Variants in CCDC102B observed in about 807,000 individuals in gnomAD.
CCDC102B encodes the protein coiled-coil domain-containing protein 102B.
CCDC102B carries 75 observed loss-of-function variants against 57.4 expected under a neutral mutation model. The ratio of observed to expected loss-of-function variants is 1.31; its 90% CI spans 1.08 to 1.58. The LOEUF (loss-of-function observed/expected upper bound fraction) is 1.58. Among genes scored for constraint, CCDC102B ranks in the 40% most tolerant of loss-of-function variants. CCDC102B has a pLI of 0.00. For synonymous variants in CCDC102B, 206 were observed against 201.9 expected (o/e 1.02, Z -0.17); for missense variants, 636 against 582.6 (o/e 1.09, Z -0.94).
At chr18:68,958,262 T>C (rs1356966250) in intron 6 of CCDC102B, among the ~76,000 whole-genome samples, 1 of 152,194 alleles carries the variant, frequency 6.6e-6, no homozygotes, top group Non-Finnish European at 1.5e-5. Context: ...AACCATATCA[T>C]GTCATATGGA....
chr18:68,882,755 T>C (rs1438036995), intron 5 of CCDC102B, among the ~76,000 whole-genome samples: 1 of 151,994 alleles, frequency 6.6e-6, no homozygotes, highest in Non-Finnish European at 1.5e-5. Flanking sequence ...AAATTAAATA[T>C]AGATACTGTT....
In CCDC102B at chr18:68,927,440, A is replaced by G. The variant is rs535855018; in HGVS notation, c.1263+30012A>G. Among the ~76,000 whole-genome samples, 3 of 152,016 alleles carry G rather than the reference A, an allele frequency of 2.0e-5. No individual in the cohort carries two copies. The East Asian group carries it at 5.8e-4, about 30-fold the overall frequency. On this transcript the variant is annotated intron_variant, in intron 6 of 7. Transcript: ENST00000360242. Reference sequence around the variant, plus strand: ...TTAGTTTCTGTCCCGTAGAGTGTAGACCTAACAGTCAATAGTTTTTACCTC... The same window carrying G: ...TTAGTTTCTGTCCCGTAGAGTGTAGGCCTAACAGTCAATAGTTTTTACCTC...
intron 1 of CCDC102B, among the ~76,000 whole-genome samples, chr18:68,801,000 TAAC>T (rs987475350): frequency 4.6e-5 from 7 of 152,184 alleles, no homozygotes; most frequent in Admixed American, 2.6e-4. Flanking sequence ...GCTTATTTCA[TAAC>T]AACGAGGTTT....
chr18:68,737,506 G>A (rs928871975), intron 2 of CCDC102B, among the ~76,000 whole-genome samples: 3 of 151,874 alleles, frequency 2.0e-5, no homozygotes, highest in Admixed American at 1.3e-4. Context: ...GTGTGTCTGT[G>A]TGTGTGTGAA....
chr18:68,830,667 A>AT (rs2037108793), intron 1 of CCDC102B, among the ~76,000 whole-genome samples: 1 of 148,836 alleles, frequency 6.7e-6, no homozygotes, highest in African/African-American at 2.5e-5. Flanking sequence ...TATATAATAC[A>AT]GAAATAGGCT....
chr18:68,848,171 C>G (rs866173899), intron 4 of CCDC102B, among the ~76,000 whole-genome samples: 49 of 151,888 alleles, frequency 3.2e-4, no homozygotes, highest in Middle Eastern at 3.4e-3. Flanking sequence ...AGTATTGTAG[C>G]ACAAGTATAA....
intron 1 of CCDC102B, among the ~76,000 whole-genome samples, chr18:68,802,567 G>A (rs2035893260): frequency 1.3e-5 from 2 of 152,110 alleles, no homozygotes; most frequent in Admixed American, 1.3e-4. Context: ...GAACTAGGAG[G>A]GCTATCTCAG....
chr18:68,821,197 A>AG (rs1022394137), intron 1 of CCDC102B, among the ~76,000 whole-genome samples: 1 of 152,048 alleles, frequency 6.6e-6, no homozygotes, highest in African/African-American at 2.4e-5. Context: ...AAGTCAGAAA[A>AG]GAAAAAACAC....
intron 6 of CCDC102B, among the ~76,000 whole-genome samples, chr18:68,969,531 C>T (rs2050248875): frequency 6.8e-6 from 1 of 147,024 alleles, no homozygotes; most frequent in Non-Finnish European, 1.5e-5. Context: ...TGAGATCAAT[C>T]CCTGCAATTT....
intron 6 of CCDC102B, among the ~76,000 whole-genome samples, chr18:68,965,378 T>G (rs1398686026): frequency 6.6e-6 from 1 of 151,652 alleles, no homozygotes; most frequent in South Asian, 2.1e-4. Flanking sequence ...TTTATTATAA[T>G]TTTACTTCTA....
chr18:68,960,011 G>A (rs1157854068), intron 6 of CCDC102B, among the ~76,000 whole-genome samples: 1 of 152,064 alleles, frequency 6.6e-6, no homozygotes, highest in Admixed American at 6.6e-5. Flanking sequence ...TACCCAAGCT[G>A]GAAGACAAAG....
chr18:68,729,876 T>C (rs2032779992), intron 2 of CCDC102B, among the ~76,000 whole-genome samples: 1 of 152,164 alleles, frequency 6.6e-6, no homozygotes, highest in African/African-American at 2.4e-5. Flanking sequence ...AAGTAACTAC[T>C]ATAAAAAGTT....
At chr18:68,844,827 G>C (rs1829694511) in intron 3 of CCDC102B, among the ~76,000 whole-genome samples, 1 of 151,756 alleles carries the variant, frequency 6.6e-6, no homozygotes, top group Non-Finnish European at 1.5e-5. Context: ...GTCCTCAGCT[G>C]GCTAGGTTTA....
At chr18:68,889,677 G>A (rs2040008260) in intron 5 of CCDC102B, among the ~76,000 whole-genome samples, 1 of 152,106 alleles carries the variant, frequency 6.6e-6, no homozygotes, top group Non-Finnish European at 1.5e-5. Context: ...AATGTCAGGT[G>A]ATCCACCCAC....
chr18:68,828,236 A>G (rs2036985439), intron 1 of CCDC102B, among the ~76,000 whole-genome samples: 1 of 144,158 alleles, frequency 6.9e-6, no homozygotes, highest in Non-Finnish European at 1.5e-5. Context: ...TCTAATTGTC[A>G]TTTATAGAAC....
intron 6 of CCDC102B, among the ~76,000 whole-genome samples, chr18:68,928,493 G>A (rs1044677390): frequency 1.4e-4 from 22 of 151,810 alleles, no homozygotes; most frequent in Admixed American, 6.6e-4. Flanking sequence ...TGCAGGAGGA[G>A]GACGTGGCTA....
At chr18:68,759,461 G>C (rs2034178811) in intron 2 of CCDC102B, among the ~76,000 whole-genome samples, 1 of 151,834 alleles carries the variant, frequency 6.6e-6, no homozygotes, top group African/African-American at 2.4e-5. Flanking sequence ...AAGAAGTAGA[G>C]GTGAAGGGAA....
intron 7 of CCDC102B, among the ~76,000 whole-genome samples, chr18:69,026,771 G>A (rs1434689486): frequency 2.0e-5 from 3 of 152,122 alleles, no homozygotes; most frequent in Admixed American, 1.3e-4. Context: ...TTTATGCTGG[G>A]TATTCATCTC....
intron 6 of CCDC102B, among the ~76,000 whole-genome samples, chr18:68,979,088 G>A (rs1037088091): frequency 1.3e-5 from 2 of 152,048 alleles, no homozygotes; most frequent in African/African-American, 4.8e-5. Context: ...AGTATCGTCT[G>A]TGCTGGCAAC....
Sources: allele counts gnomAD v4.1 joint callset (sites outside exome capture counted in the v4.1 genomes callset), GRCh38; gene constraint gnomAD v4.1.1; transcripts MANE v1.5; gene names NCBI Gene and HGNC (gene_info 2026-07-23, HGNC 2026-07-21).